The following IP6K2 variants were observed in gnomAD, a reference collection of about 807,000 sequenced individuals.
The protein encoded by IP6K2 is inositol hexakisphosphate kinase 2.
A neutral mutation model predicts 43.3 loss-of-function variants in IP6K2; 9 were observed. The observed-to-expected ratio is 0.21, with a 90% CI of 0.13 to 0.36. The LOEUF is 0.36. IP6K2 is among the 10% of genes least tolerant of loss of function. The pLI, the probability that IP6K2 is intolerant of heterozygous loss-of-function variation, is 1.00. For synonymous variants in IP6K2, 209 were observed against 202.4 expected, an observed-to-expected ratio of 1.03 and a Z score of -0.28; for missense variants, 332 against 538.4, an observed-to-expected ratio of 0.62 and a Z score of 3.79.
chr3:48,693,319 C>T, intron 2 of IP6K2, 140 bp from the exon 3 acceptor site: 1 of 1,108,984 alleles, frequency 9.0e-7, no homozygotes. Flanking sequence ...CATCTGCAAA[C>T]TTAACAAATA....
intron 2 of IP6K2, chr3:48,694,562 C>A: frequency 6.6e-7 from 1 of 1,524,016 alleles, no homozygotes; most frequent in South Asian, 1.3e-5. Context: ...AAAAAATTAT[C>A]ATATGTGAAT....
chr3:48,694,000 GC>G, intron 2 of IP6K2: 49 of 1,381,518 alleles, frequency 3.5e-5, no homozygotes, highest in South Asian at 2.1e-4. Flanking sequence ...CAAACGACTG[GC>G]TGAACACCTT....
At chr3:48,716,198 A>C (rs1418845262) in intron 1 of IP6K2, among the ~76,000 whole-genome samples, 1 of 152,222 alleles carries the variant, frequency 6.6e-6, no homozygotes, top group Admixed American at 6.5e-5. Context: ...AATTCAACAA[A>C]ATTACTGTAA....
intron 1 of IP6K2, among the ~76,000 whole-genome samples, chr3:48,696,357 G>T (rs556620112): frequency 6.6e-6 from 1 of 152,240 alleles, no homozygotes; most frequent in South Asian, 2.1e-4. Context: ...TAGCTTTAAT[G>T]ATTAACATCT....
At chr3:48,699,248 T>G (rs1052210308) in intron 1 of IP6K2, 1 of 151,836 alleles carries the variant, frequency 6.6e-6, no homozygotes, top group Admixed American at 6.6e-5. Flanking sequence ...CTGTCTCTAC[T>G]AAAAATACAA....
chr3:48,707,802 T>C (rs1367726841), intron 1 of IP6K2, among the ~76,000 whole-genome samples: 1 of 152,146 alleles, frequency 6.6e-6, no homozygotes, highest in East Asian at 1.9e-4. Context: ...AGTCATACAA[T>C]AATGTAGCTT....
intron 1 of IP6K2, among the ~76,000 whole-genome samples, chr3:48,702,393 C>A (rs1490609026): frequency 6.6e-6 from 1 of 151,334 alleles, no homozygotes; most frequent in Non-Finnish European, 1.5e-5. Flanking sequence ...CCCCAGATAT[C>A]CCCCTTGGCT....
chr3:48,707,421 A>G (rs1211832857), intron 1 of IP6K2, among the ~76,000 whole-genome samples: 1 of 152,102 alleles, frequency 6.6e-6, no homozygotes, highest in Non-Finnish European at 1.5e-5. Context: ...AGCCCTCAAT[A>G]GCATCTCATT....
chr3:48,701,813 G>A lies in IP6K2; in HGVS notation c.-130-6392C>T, dbSNP rs909903911. Among the ~76,000 whole-genome samples, 3 of 151,958 alleles carry A rather than the reference G, an allele frequency of 2.0e-5. No homozygotes were observed. In the East Asian group the frequency reaches 5.8e-4, roughly 29 times the overall value. On this transcript the variant is annotated intron_variant, in intron 1 of 5. Transcript: ENST00000328631. ...CTTGGGAGGCTGAGGCACAAGAATC[G>A]CTTGAGCACGGGAGGCGGAGGTTGC...
intron 5 of IP6K2, 77 bp downstream of exon 5, chr3:48,689,461 T>C (rs2077586137): frequency 1.4e-6 from 2 of 1,464,570 alleles, no homozygotes; most frequent in Middle Eastern, 2.3e-4. Flanking sequence ...CTGGAATCTT[T>C]TGAGCAAACA....
At chr3:48,696,227 C>G (rs1294220858) in intron 1 of IP6K2, among the ~76,000 whole-genome samples, 2 of 152,100 alleles carry the variant, frequency 1.3e-5, no homozygotes, top group African/African-American at 4.8e-5. Context: ...ACAGGGAAAA[C>G]CTGCTTACTC....
rs1378112408 is a variant in IP6K2 at position 48,695,127 on chromosome 3, G to C, written c.165C>G (p.Leu55=). Residue 55 remains leucine (L), a synonymous_variant, in exon 2 of 6, where the codon CTC becomes CTG. Coordinates refer to ENST00000328631, the MANE Select transcript of IP6K2 (RefSeq NM_016291.4). This position sits in a 1 kb window ranked among gnomAD's most constrained non-coding sequence, Gnocchi z 4.6. ...VPREHQFYET[L]PAEMRKFTPQ... ...GAGTGAATTTGCGCATCTCAGCAGG[G>C]AGGGTCTCGTAGAACTGATGTTCCC... is the stretch of plus-strand genomic sequence containing the variant. 6.2e-6 allele frequency: 10 copies of C among 1,612,242 alleles called. No individual in the cohort carries two copies. The highest frequency in any genetic ancestry group is 8.5e-6 in the Non-Finnish European group (10 of 1,178,518).
intron 1 of IP6K2, among the ~76,000 whole-genome samples, chr3:48,715,985 A>G (rs1179107675): frequency 2.0e-5 from 3 of 152,196 alleles, no homozygotes; most frequent in African/African-American, 7.2e-5. Context: ...AATGTGATAA[A>G]GTATTCATTT....
At chr3:48,699,487 G>C (rs1310284192) in intron 1 of IP6K2, 3 of 152,154 alleles carry the variant, frequency 2.0e-5, no homozygotes, top group African/African-American at 7.2e-5. Context: ...TCTCCAGAGT[G>C]TTAATTAGCT....
intron 1 of IP6K2, among the ~76,000 whole-genome samples, chr3:48,708,455 T>C (rs1198774039): frequency 6.6e-6 from 1 of 151,938 alleles, no homozygotes; most frequent in East Asian, 1.9e-4. Context: ...GGCCTCAAAC[T>C]CCTGGCCTCA....
In IP6K2 at chr3:48,688,267, G is replaced by C; in HGVS notation, c.*6C>G. 2 of 1,611,566 alleles carry C rather than the reference G, an allele frequency of 1.2e-6. No homozygotes were observed. Among genetic ancestry groups the C allele is most frequent in the Non-Finnish European group, 8.5e-7 (1 of 1,177,828 alleles). Reference sequence around the variant, plus strand: ...TCGCTCTCAAGTACTGGAGCAGCTAGCAAGCTCACTCCCCACTCTCCTCAC... The same window carrying C: ...TCGCTCTCAAGTACTGGAGCAGCTACCAAGCTCACTCCCCACTCTCCTCAC... On this transcript the variant is annotated 3_prime_UTR_variant, in exon 6 of 6. Coordinates refer to ENST00000328631, the MANE Select transcript of IP6K2 (RefSeq NM_016291.4). The surrounding 1 kb of genome is among the most constrained non-coding windows in gnomAD (Gnocchi z 5.1).
rs548838502 is a variant in IP6K2, at chr3:48,715,289, T to C, written c.-131+1868A>G. The C allele has an allele frequency of 2.6e-6, 4 of 1,536,118 alleles. No individual in the cohort carries two copies. In the South Asian group the frequency reaches 3.6e-5, roughly 14 times the overall value. ...ATTCTTCCCCAGTGCATCCTCTTTA[T>C]GAGCCAAACAATGGAAAATTTTCAC... On this transcript the variant is annotated intron_variant, in intron 1 of 5. Coordinates refer to ENST00000328631, the MANE Select transcript of IP6K2 (RefSeq NM_016291.4).
chr3:48,711,673 T>C (rs1453422925), intron 1 of IP6K2, among the ~76,000 whole-genome samples: 1 of 152,246 alleles, frequency 6.6e-6, no homozygotes, highest in Non-Finnish European at 1.5e-5. Context: ...TGAAAATGTT[T>C]AATAAGAATT....
chr3:48,707,443 T>C (rs190227272), intron 1 of IP6K2, among the ~76,000 whole-genome samples: 48 of 152,306 alleles, frequency 3.2e-4, no homozygotes, highest in African/African-American at 1.1e-3. Flanking sequence ...TGGTTTTATT[T>C]TATCTTTTGA....
Sources: allele counts gnomAD v4.1 joint callset (sites outside exome capture counted in the v4.1 genomes callset), GRCh38; gene constraint gnomAD v4.1.1; non-coding constraint Gnocchi (gnomAD v3.1); transcripts MANE v1.5; gene names NCBI Gene and HGNC (gene_info 2026-07-23, HGNC 2026-07-21).